The following ALG13 variants were observed in gnomAD, a reference collection of about 807,000 sequenced individuals.
ALG13 encodes the protein UDP-N-acetylglucosamine transferase subunit ALG13.
A neutral mutation model predicts 87.8 loss-of-function variants in ALG13; 11 were observed. That is an observed-to-expected ratio of 0.13 (90% confidence interval 0.08 to 0.21). The LOEUF is 0.21. Among genes scored for constraint, ALG13 ranks in the 10% least tolerant of loss-of-function variants. The probability of loss-of-function intolerance (pLI) is 1.00; values close to 1 mark genes in which losing one functional copy is unlikely to be tolerated. For synonymous variants in ALG13, 320 were observed against 306.3 expected, an observed-to-expected ratio of 1.04 and a Z score of -0.47; for missense variants, 756 against 866.1, an observed-to-expected ratio of 0.87 and a Z score of 1.60.
In ALG13 at chrX:111,744,773, C is replaced by T. The variant is rs2148405253; in HGVS notation, c.2801C>T (p.Pro934Leu). 1.9e-6 allele frequency: 2 copies of T among 1,054,289 alleles called. No individual in the cohort carries two copies. Among genetic ancestry groups the T allele is most frequent in the South Asian group, 2.4e-5 (1 of 42,401 alleles). 86.9% of individuals were successfully genotyped at this position (1,054,289 alleles called of 1,213,427 possible). The stretch of plus-strand genomic sequence containing the variant: ...CCACCACCACCACCACCACCACCTC[C>T]TCCTCCTCCTCCTCCTCCTCCTCCT... The part of the protein sequence containing the change: ...PPPPPPPPPP[P>L]PPPPPPPPPP... The change falls in exon 24 of 27, where the codon CCT becomes CTT. Residue 934 changes from proline (P) to leucine (L), a missense_variant. Physicochemically the swap from Pro to Leu is moderately conservative, Grantham distance 98. This residue lies in a region of ALG13 where 362 missense variants were observed against 383.5 expected (regional missense o/e 0.94). Transcript: ENST00000394780.
At chrX:111,683,655 A>G (rs1176735268) in intron 2 of ALG13, among the ~76,000 whole-genome samples, 1 of 110,575 alleles carries the variant, frequency 9.0e-6, no homozygotes, top group Non-Finnish European at 1.9e-5. Context: ...AATGTTGTTA[A>G]CTAACCACCC....
At chrX:111,711,787 T>G in intron 6 of ALG13, 62 bp downstream of exon 6, 1 of 1,053,154 alleles carries the variant, frequency 9.5e-7, no homozygotes, top group Admixed American at 2.5e-5. Context: ...TGTAAATTTA[T>G]TCATTCAACT....
intron 15 of ALG13, 71 bp downstream of exon 15, chrX:111,725,132 A>AT (rs1435154207): frequency 9.0e-7 from 1 of 1,107,065 alleles, no homozygotes; most frequent in African/African-American, 1.8e-5. Context: ...GCATTGTACT[A>AT]TTTTTTAAAT....
intron 5 of ALG13, among the ~76,000 whole-genome samples, chrX:111,710,673 TTTAAA>T (rs1053843086): frequency 8.9e-6 from 1 of 112,016 alleles, no homozygotes; most frequent in African/African-American, 3.3e-5. Context: ...ATTTGTACTA[TTTAAA>T]TTGTGCAGTT....
chrX:111,734,094 A>C (rs890462588), intron 21 of ALG13, among the ~76,000 whole-genome samples: 2 of 110,152 alleles, frequency 1.8e-5, no homozygotes, highest in African/African-American at 6.6e-5. Context: ...ATTTTCTCCC[A>C]CTCTGTGGGT....
intron 3 of ALG13, chrX:111,690,042 T>C: frequency 1.3e-6 from 1 of 744,585 alleles, no homozygotes; most frequent in Non-Finnish European, 1.6e-6. Flanking sequence ...TAAGACAGAA[T>C]TGTAGACTTT....
chrX:111,690,160 A>G (rs1220829908), intron 3 of ALG13: 1 of 751,846 alleles, frequency 1.3e-6, no homozygotes, highest in East Asian at 1.5e-4. Context: ...TTATTAAAGA[A>G]TGGTAACCAA....
Position 111,706,272 on chromosome X carries a change from G to T in ALG13, c.384-1755G>T, listed in dbSNP as rs1328119786. On this transcript the variant is annotated intron_variant, in intron 3 of 26. Coordinates refer to ENST00000394780, the MANE Select transcript of ALG13 (RefSeq NM_001099922.3). ...TCTCGATCTCCTGACCTCGTGATCT[G>T]CCTGCCTTGGCCTCCCAAAGGGCTG... 1.2e-4 allele frequency among the ~76,000 whole-genome samples: 14 copies of T among 112,313 alleles called. No homozygotes were observed. In the Admixed American group the frequency reaches 1.3e-3, roughly 11 times the overall value.
chrX:111,728,853 A>G (rs867826135), intron 19 of ALG13, among the ~76,000 whole-genome samples: 6 of 111,444 alleles, frequency 5.4e-5, no homozygotes, highest in Middle Eastern at 4.6e-3. Flanking sequence ...CCTATTTTAC[A>G]TATGAGGAAA....
rs186072513 is a variant in ALG13 at position 111,749,515 on chromosome X, C to G, written c.2933-3275C>G. Among the ~76,000 whole-genome samples, 394 of 105,958 alleles carry G rather than the reference C, an allele frequency of 3.7e-3. 4 individuals carry two copies. The highest frequency in any genetic ancestry group is 0.012 in the African/African-American group (349 of 28,264). The allele number at this position is 105,958 out of a possible 115,157, so 92.0% of individuals were successfully genotyped here. On this transcript the variant is annotated intron_variant, in intron 24 of 26. Coordinates refer to ENST00000394780, the MANE Select transcript of ALG13 (RefSeq NM_001099922.3). ...TCAAATTTTACCAAAAAAAAAAAAA[C>G]GTCTGGAAATTAGGGATTGTGTTTA...
At chrX:111,738,587 G>A (rs775436363) in intron 23 of ALG13, among the ~76,000 whole-genome samples, 3 of 111,795 alleles carry the variant, frequency 2.7e-5, no homozygotes, top group Admixed American at 9.5e-5. Flanking sequence ...CACCAAGGCT[G>A]GAGTGCAGTG....
intron 3 of ALG13, among the ~76,000 whole-genome samples, chrX:111,693,267 T>G (rs1455262432): frequency 4.7e-5 from 5 of 106,580 alleles, no homozygotes; most frequent in Non-Finnish European, 7.7e-5. Context: ...TTTATTTTTT[T>G]TTTTTTTAAC....
intron 2 of ALG13, among the ~76,000 whole-genome samples, chrX:111,684,348 T>C (rs1376281143): frequency 1.8e-5 from 2 of 109,188 alleles, no homozygotes; most frequent in African/African-American, 6.7e-5. Context: ...TTGAGGTGAG[T>C]TCTCACTCTG....
intron 3 of ALG13, among the ~76,000 whole-genome samples, chrX:111,697,312 T>C (rs966714646): frequency 8.9e-6 from 1 of 111,873 alleles, no homozygotes; most frequent in Non-Finnish European, 1.9e-5. Flanking sequence ...AGGATTATAA[T>C]ATGCAAAGTT....
At chrX:111,757,359 A>G (rs909470401) in intron 25 of ALG13, 14 of 306,817 alleles carry the variant, frequency 4.6e-5, no homozygotes, top group African/African-American at 1.7e-4. Context: ...ATTATTTCCT[A>G]AAAGAATTCT....
intron 24 of ALG13, among the ~76,000 whole-genome samples, chrX:111,751,355 C>G (rs2148462002): frequency 8.9e-6 from 1 of 112,014 alleles, no homozygotes; most frequent in African/African-American, 3.2e-5. Context: ...GCCTGGGCCA[C>G]CACGCCCGGC....
intron 3 of ALG13, chrX:111,689,249 A>G (rs1935684855): frequency 2.5e-5 from 19 of 749,941 alleles, no homozygotes; most frequent in Non-Finnish European, 3.0e-5. Context: ...TTGTATATCA[A>G]TGTTATGTTT....
intron 3 of ALG13, among the ~76,000 whole-genome samples, chrX:111,691,859 G>A (rs7061084): frequency 0.012 from 1,374 of 112,241 alleles, 11 homozygotes; most frequent in African/African-American, 0.034. Flanking sequence ...CTTTCAATTG[G>A]TTTACCTGAT....
At chrX:111,726,428 C>T (rs1467805519) in intron 15 of ALG13, among the ~76,000 whole-genome samples, 1 of 107,219 alleles carries the variant, frequency 9.3e-6, no homozygotes, top group Admixed American at 1.0e-4. Context: ...GAGACGGTTT[C>T]ACCATGTTAA....
Sources: allele counts gnomAD v4.1 joint callset (sites outside exome capture counted in the v4.1 genomes callset), GRCh38; gene constraint gnomAD v4.1.1; regional missense constraint gnomAD v4.1.1; transcripts MANE v1.5; gene names NCBI Gene and HGNC (gene_info 2026-07-23, HGNC 2026-07-21).